Variants in ZNF385D observed in about 807,000 individuals in gnomAD.
The protein encoded by ZNF385D is zinc finger protein 659.
ZNF385D carries 15 observed loss-of-function variants against 35.8 expected under a neutral mutation model. That is an observed-to-expected ratio of 0.42 (90% CI 0.28 to 0.64). The LOEUF (loss-of-function observed/expected upper bound fraction) is 0.64. ZNF385D is among the 30% of genes least tolerant of loss of function. ZNF385D has a pLI of 0.23. For synonymous variants in ZNF385D, 212 were observed against 186.8 expected (o/e 1.13, Z -1.10); for missense variants, 474 against 494.6 (o/e 0.96, Z 0.39).
At chr3:22,246,080 G>C (rs1699763038) in intron 2 of ZNF385D, among the ~76,000 whole-genome samples, 1 of 152,004 alleles carries the variant, frequency 6.6e-6, no homozygotes, top group Non-Finnish European at 1.5e-5. Flanking sequence ...ACAGATGCTT[G>C]GATCAGGTTT....
At chr3:21,926,114 G>A (rs917105288) in intron 3 of ZNF385D, among the ~76,000 whole-genome samples, 2 of 150,840 alleles carry the variant, frequency 1.3e-5, no homozygotes, top group African/African-American at 4.9e-5. Flanking sequence ...AACCCTTGAT[G>A]CAGTTTGGAT....
At chr3:22,308,465 GA>G (rs935868542) in intron 2 of ZNF385D, among the ~76,000 whole-genome samples, 14 of 151,844 alleles carry the variant, frequency 9.2e-5, no homozygotes, top group Non-Finnish European at 1.9e-4. Flanking sequence ...GTGAAAGAGA[GA>G]AAGACAGAGA....
intron 3 of ZNF385D, among the ~76,000 whole-genome samples, chr3:22,146,923 G>T (rs1269069117): frequency 6.6e-6 from 1 of 152,092 alleles, no homozygotes; most frequent in Non-Finnish European, 1.5e-5. Flanking sequence ...TTTTACATGA[G>T]ACTATTTTGT....
intron 1 of ZNF385D, among the ~76,000 whole-genome samples, chr3:21,710,467 T>A (rs1024315024): frequency 3.3e-5 from 5 of 152,112 alleles, no homozygotes; most frequent in African/African-American, 1.2e-4. Flanking sequence ...TAAGGTGCAC[T>A]GGCTTCTTTT....
intron 1 of ZNF385D, among the ~76,000 whole-genome samples, chr3:21,736,451 C>G (rs1443955353): frequency 6.6e-6 from 1 of 152,160 alleles, no homozygotes; most frequent in African/African-American, 2.4e-5. Context: ...TCTTAATGCC[C>G]ACCGACTGTT....
intron 3 of ZNF385D, among the ~76,000 whole-genome samples, chr3:22,023,389 T>A (rs778859023): frequency 2.6e-4 from 39 of 152,180 alleles, no homozygotes; most frequent in Non-Finnish European, 5.6e-4. Context: ...ATCATGCACA[T>A]ATCATGTTTA....
chr3:22,003,192 C>G (rs1080618), intron 3 of ZNF385D, among the ~76,000 whole-genome samples: 1 of 151,918 alleles, frequency 6.6e-6, no homozygotes, highest in East Asian at 1.9e-4. Flanking sequence ...TATTCCACCC[C>G]AATCTCTTAG....
chr3:21,870,494 G>A (rs1230741712), intron 3 of ZNF385D, among the ~76,000 whole-genome samples: 1 of 152,090 alleles, frequency 6.6e-6, no homozygotes, highest in Non-Finnish European at 1.5e-5. Context: ...GTACGTAAAC[G>A]TGATTCATGT....
intron 1 of ZNF385D, among the ~76,000 whole-genome samples, chr3:21,704,009 T>C (rs1415132230): frequency 6.6e-6 from 1 of 152,238 alleles, no homozygotes; most frequent in Admixed American, 6.5e-5. Flanking sequence ...TGCCTGTTTA[T>C]GTCTTTTACC....
At chr3:21,901,837 T>C (rs1029070553) in intron 3 of ZNF385D, among the ~76,000 whole-genome samples, 22 of 152,102 alleles carry the variant, frequency 1.4e-4, no homozygotes, top group Admixed American at 1.4e-3. Flanking sequence ...AAAAGGAAAG[T>C]AGAAATACTT....
At chr3:22,111,444 G>A (rs1338868909) in intron 3 of ZNF385D, among the ~76,000 whole-genome samples, 1 of 151,978 alleles carries the variant, frequency 6.6e-6, no homozygotes, top group Non-Finnish European at 1.5e-5. Context: ...CACAGGGATT[G>A]GCAAACTACT....
At chr3:22,299,078 A>G (rs1702758879) in intron 2 of ZNF385D, among the ~76,000 whole-genome samples, 2 of 152,010 alleles carry the variant, frequency 1.3e-5, no homozygotes, top group Admixed American at 1.3e-4. Context: ...GAGAATGCCA[A>G]TAATAAACTG....
At chr3:22,108,071 CA>C (rs1246802222) in intron 3 of ZNF385D, among the ~76,000 whole-genome samples, 1 of 151,670 alleles carries the variant, frequency 6.6e-6, no homozygotes, top group African/African-American at 2.4e-5. Context: ...CTTACACCCC[CA>C]AACCTCCAGA....
At chr3:22,013,818 C>A (rs921443640) in intron 3 of ZNF385D, among the ~76,000 whole-genome samples, 2 of 152,102 alleles carry the variant, frequency 1.3e-5, no homozygotes, top group Non-Finnish European at 2.9e-5. Flanking sequence ...TCTCAGAGCA[C>A]AAGTGTTCCA....
intron 3 of ZNF385D, chr3:21,961,640 T>G (rs1394268671): frequency 1.3e-5 from 2 of 152,158 alleles, no homozygotes; most frequent in African/African-American, 4.8e-5. Context: ...CATTATTTCA[T>G]TGATTGTTAC....
At chr3:21,564,246 GT>G (rs1449890395) in intron 3 of ZNF385D, among the ~76,000 whole-genome samples, 4 of 152,148 alleles carry the variant, frequency 2.6e-5, no homozygotes, top group Non-Finnish European at 5.9e-5. Context: ...CCTATTAAAA[GT>G]TCCATTGGTC....
At position 22,089,983 on chromosome 3, in the gene ZNF385D, C is replaced by A. The variant is rs184009052; in HGVS notation, c.325+78834G>T. 2.6e-5 allele frequency among the ~76,000 whole-genome samples: 4 copies of A among 151,976 alleles called. No homozygotes were observed. The South Asian group carries it at 8.3e-4, about 32-fold the overall frequency. On this transcript the variant is annotated intron_variant, in intron 3 of 5. Transcript: ENST00000494108. ...CCTCTCGAGTAGCTGGGACTACAGG[C>A]GCGTGCCACCATGCCAGTCTAATTT... is the stretch of plus-strand genomic sequence containing the variant.
intron 1 of ZNF385D, among the ~76,000 whole-genome samples, chr3:21,722,684 G>C (rs745346763): frequency 4.6e-5 from 7 of 152,154 alleles, no homozygotes; most frequent in Non-Finnish European, 8.8e-5. Flanking sequence ...CCCCCAATAT[G>C]ATCTAGATTC....
At chr3:22,145,390 G>A (rs1487303102) in intron 3 of ZNF385D, among the ~76,000 whole-genome samples, 1 of 152,304 alleles carries the variant, frequency 6.6e-6, no homozygotes, top group South Asian at 2.1e-4. Context: ...TTATTTGAAT[G>A]CAAGTTTCTT....
Sources: gnomAD v4.1 joint callset for allele counts (sites outside exome capture counted in the v4.1 genomes callset) on GRCh38, gnomAD v4.1.1 for gene constraint, MANE v1.5 for transcripts, NCBI Gene and HGNC (gene_info 2026-07-23, HGNC 2026-07-21) for gene names.